The following DNMT3B variants were observed in gnomAD, a reference collection of about 807,000 sequenced individuals.
DNMT3B encodes DNA methyltransferase 3 beta.
A neutral mutation model predicts 120.2 loss-of-function variants in DNMT3B; 37 were observed. The ratio of observed to expected loss-of-function variants is 0.31; its 90% CI spans 0.24 to 0.40. DNMT3B has a LOEUF of 0.40. Ranked by LOEUF, DNMT3B falls within the 10% of genes least tolerant of loss-of-function variation. The probability of loss-of-function intolerance (pLI) is 1.00; values close to 1 mark genes in which losing one functional copy is unlikely to be tolerated. For missense variants in DNMT3B, 878 were observed against 1,137.3 expected (o/e 0.77, Z 3.28); for synonymous variants, 412 against 442.8 (o/e 0.93, Z 0.87).
In DNMT3B at chr20:32,799,306, A is replaced by G. The variant is rs1601123643; in HGVS notation, c.1737A>G (p.Ser579=). The G allele has an allele frequency of 5.0e-6, 8 of 1,613,420 alleles. No individual in the cohort carries two copies. Among genetic ancestry groups the G allele is most frequent in the Non-Finnish European group, 6.8e-6 (8 of 1,179,792 alleles). Residue 579 remains serine (S), a synonymous_variant, in exon 16 of 23, where the codon TCA becomes TCG. Coordinates refer to ENST00000328111, the MANE Select transcript of DNMT3B (RefSeq NM_006892.4). ...AARRRPIRVL[S]LFDGIATGYL... ...GAAGGCGGCCCATTCGAGTCCTGTC[A>G]TTGTTTGATGGCATCGCGACAGGTG...
chr20:32,802,870 T>C (rs1981523641), intron 20 of DNMT3B, among the ~76,000 whole-genome samples: 1 of 152,178 alleles, frequency 6.6e-6, no homozygotes. Flanking sequence ...TCTCATGAGC[T>C]GTGGCCAGAC....
At chr20:32,796,944 C>T (rs375989093) in intron 13 of DNMT3B, 75 bp downstream of exon 13, 18 of 1,614,078 alleles carry the variant, frequency 1.1e-5, no homozygotes, top group Middle Eastern at 1.6e-4. Flanking sequence ...CCAACAGCAC[C>T]TGTGTGGAGA....
rs1476437065 is a variant in DNMT3B, at chr20:32,795,740, G to A, written c.1297+46G>A. 2.5e-6 allele frequency: 4 copies of A among 1,611,392 alleles called. No homozygotes were observed. In the African/African-American group the frequency reaches 5.3e-5, roughly 22 times the overall value. Reference sequence around the variant, plus strand: ...GTCATCCCCCTCACACCCTGGCTAGGGCTCTAGGCCTGCCTTGTCCTGGCT... The same window carrying A: ...GTCATCCCCCTCACACCCTGGCTAGAGCTCTAGGCCTGCCTTGTCCTGGCT... On this transcript the variant is annotated intron_variant, in intron 12 of 22. Coordinates refer to ENST00000328111, the MANE Select transcript of DNMT3B (RefSeq NM_006892.4).
At chr20:32,780,521 C>G in intron 2 of DNMT3B, 56 bp downstream of exon 2, 2 of 1,595,082 alleles carry the variant, frequency 1.3e-6, no homozygotes, top group Admixed American at 1.7e-5. Context: ...TGAGCGGTCA[C>G]TGCAGACAAC....
At chr20:32,781,556 G>T (rs1460456092) in intron 3 of DNMT3B, 142 bp downstream of exon 3, 2 of 881,580 alleles carry the variant, frequency 2.3e-6, no homozygotes, top group Admixed American at 4.0e-5. Context: ...CATATATTTG[G>T]CATTATTTTT....
At chr20:32,782,644 G>A (rs967161884) in intron 3 of DNMT3B, among the ~76,000 whole-genome samples, 2 of 152,170 alleles carry the variant, frequency 1.3e-5, no homozygotes, top group African/African-American at 4.8e-5. Context: ...TTTATTAACA[G>A]TATATTGTAA....
intron 10 of DNMT3B, among the ~76,000 whole-genome samples, 158 bp from the exon 11 acceptor site, chr20:32,795,249 TTG>T (rs972025220): frequency 2.0e-5 from 3 of 152,212 alleles, no homozygotes; most frequent in African/African-American, 7.2e-5. Context: ...TGAGCTCCTG[TTG>T]TGAGTTGCCC....
In DNMT3B at chr20:32,808,173, A is replaced by G; in HGVS notation, c.*270A>G. ...TCTTCTCCTAAAACTTTAAAACTTG[A>G]AGTAGGTAGCAACGTGGCTTTTTTT... On this transcript the variant is annotated 3_prime_UTR_variant, in exon 23 of 23. Transcript: ENST00000328111. 1 of 510,016 alleles carries G rather than the reference A, an allele frequency of 2.0e-6. No individual in the cohort carries two copies. The highest frequency in any genetic ancestry group is 3.5e-6 in the Non-Finnish European group (1 of 286,096). The allele number at this position is 510,016 out of a possible 1,614,324, so 31.6% of individuals were successfully genotyped here. A position where few individuals can be genotyped will look rare whatever the true frequency, so the allele number is the denominator to read the frequency against.
At chr20:32,788,617 T>C (rs1337037249) in intron 6 of DNMT3B, among the ~76,000 whole-genome samples, 1 of 152,132 alleles carries the variant, frequency 6.6e-6, no homozygotes, top group African/African-American at 2.4e-5. Flanking sequence ...ATAAATTCTT[T>C]TGTGGAAATG....
chr20:32,800,010 G>C (rs527243307), intron 16 of DNMT3B, 143 bp from the exon 17 acceptor site: 1 of 1,216,326 alleles, frequency 8.2e-7, no homozygotes, highest in East Asian at 2.4e-5. Flanking sequence ...CAATATGTGT[G>C]GTGCGTGTAC....
intron 10 of DNMT3B, 43 bp downstream of exon 10, chr20:32,793,638 A>G (rs1407798498): frequency 1.2e-6 from 2 of 1,603,908 alleles, no homozygotes; most frequent in Non-Finnish European, 8.5e-7. Context: ...TTTTCTATGC[A>G]CTTTCTTCTG....
intron 1 of DNMT3B, among the ~76,000 whole-genome samples, chr20:32,776,289 C>G (rs1248287650): frequency 6.6e-6 from 1 of 151,474 alleles, no homozygotes; most frequent in East Asian, 1.9e-4. Flanking sequence ...TAAGTAGGGC[C>G]CTGGGAACTG....
At chr20:32,775,654 C>T (rs910555746) in intron 1 of DNMT3B, among the ~76,000 whole-genome samples, 2 of 152,244 alleles carry the variant, frequency 1.3e-5, no homozygotes, top group African/African-American at 4.8e-5. Context: ...CAGAGTTCAC[C>T]TCTCATCACA....
Position 32,787,394 on chromosome 20 carries a change from C to T in DNMT3B, c.597C>T (p.Gly199=). The T allele has an allele frequency of 6.2e-7, 1 of 1,614,208 alleles. No individual in the cohort carries two copies. Reference sequence around the variant, plus strand: ...TAGCCCAGGACAGCCAGCAGGGGGGCATGGAGTCCCCGCAGGTGGAGGCAG... The same window carrying T: ...TAGCCCAGGACAGCCAGCAGGGGGGTATGGAGTCCCCGCAGGTGGAGGCAG... ...ARLAQDSQQG[G]MESPQVEADS... Residue 199 remains glycine, a synonymous_variant, in exon 6 of 23, where the codon GGC becomes GGT. Transcript: ENST00000328111.
At chr20:32,805,491 G>A in intron 21 of DNMT3B, 84 bp downstream of exon 21, 1 of 1,528,316 alleles carries the variant, frequency 6.5e-7, no homozygotes, top group East Asian at 2.3e-5. Context: ...TGTTTGATTG[G>A]TTCCTACTCC....
At position 32,780,147 on chromosome 20, in the gene DNMT3B, T is replaced by C. The variant is rs1022563720; in HGVS notation, c.-6-171T>C. On this transcript the variant is annotated intron_variant, in intron 1 of 22. Coordinates refer to ENST00000328111, the MANE Select transcript of DNMT3B (RefSeq NM_006892.4). ...CCAAGTCCTGAGCCTCCAAGCTTGGTGAGGGGGAGGCTATGGGGGGCAGCC... is the reference window on the plus strand; with the variant it reads ...CCAAGTCCTGAGCCTCCAAGCTTGGCGAGGGGGAGGCTATGGGGGGCAGCC... 1.9e-6 allele frequency: 3 copies of C among 1,612,836 alleles called. No homozygotes were observed. In the Admixed American group the frequency reaches 5.0e-5, roughly 27 times the overall value.
At chr20:32,792,963 T>G (rs1447112423) in intron 9 of DNMT3B, among the ~76,000 whole-genome samples, 193 bp downstream of exon 9, 1 of 152,264 alleles carries the variant, frequency 6.6e-6, no homozygotes, top group Non-Finnish European at 1.5e-5. Flanking sequence ...GCCACTTTCT[T>G]GCTGATGGTC....
intron 14 of DNMT3B, among the ~76,000 whole-genome samples, chr20:32,797,885 C>G (rs955537541): frequency 5.9e-5 from 9 of 152,194 alleles, no homozygotes; most frequent in Admixed American, 5.9e-4. Context: ...GTCTCGAACT[C>G]CTGACCTCAG....
At position 32,788,974 on chromosome 20, in the gene DNMT3B, C is replaced by T. The variant is rs1422196524; in HGVS notation, c.775C>T (p.Arg259Trp). 6 of 1,613,996 alleles carry T rather than the reference C, an allele frequency of 3.7e-6. No homozygotes were observed. Among genetic ancestry groups the T allele is most frequent in the African/African-American group, 1.3e-5 (1 of 74,908 alleles). Residue 259 changes from arginine (R) to tryptophan (W), a missense_variant, in exon 7 of 23, where the codon CGG (arginine) becomes TGG (tryptophan). By Grantham distance (101) the Arg-to-Trp change is moderately radical. Transcript: ENST00000328111. The stretch of plus-strand genomic sequence containing the variant: ...CAAGCGACAGGCTATGTCTGGCATG[C>T]GGTGGGTCCAGTGGTTTGGCGATGG... ...TSKRQAMSGMRWVQWFGDGKF... is the reference protein window; with the variant it reads ...TSKRQAMSGMWWVQWFGDGKF...
Sources: allele counts gnomAD v4.1 joint callset (sites outside exome capture counted in the v4.1 genomes callset), GRCh38; gene constraint gnomAD v4.1.1; transcripts MANE v1.5; gene names NCBI Gene and HGNC (gene_info 2026-07-23, HGNC 2026-07-21).